The following OR2Z1 variants were observed in gnomAD, a reference collection of about 807,000 sequenced individuals.
OR2Z1 encodes olfactory receptor 2Z1.
For synonymous variants in OR2Z1, 188 were observed against 160.6 expected (o/e 1.17, Z -1.29); for missense variants, 449 against 401.8 (o/e 1.12, Z -1.00).
chr19:8,723,356 T>C (rs1394190232), intron 2 of OR2Z1, among the ~76,000 whole-genome samples: 2 of 152,166 alleles, frequency 1.3e-5, no homozygotes, highest in Non-Finnish European at 2.9e-5. Context: ...CCTCCTTCTC[T>C]GTGAAGCCTT....
At chr19:8,727,250 G>A (rs1488839550) in intron 2 of OR2Z1, among the ~76,000 whole-genome samples, 1 of 152,114 alleles carries the variant, frequency 6.6e-6, no homozygotes, top group Non-Finnish European at 1.5e-5. Context: ...GGCCTCCATT[G>A]CACTCTTAGT....
At chr19:8,727,383 A>G (rs991994466) in intron 2 of OR2Z1, among the ~76,000 whole-genome samples, 1 of 152,108 alleles carries the variant, frequency 6.6e-6, no homozygotes, top group Non-Finnish European at 1.5e-5. Flanking sequence ...AATCAGCTCT[A>G]TTTGTTTTGC....
chr19:8,729,571 G>A (rs57976146), intron 2 of OR2Z1, among the ~76,000 whole-genome samples: 1 of 151,012 alleles, frequency 6.6e-6, no homozygotes, highest in South Asian at 2.1e-4. Flanking sequence ...CCACCAAGTC[G>A]AACTTTAAAT....
At position 8,722,659 on chromosome 19, in the gene OR2Z1, G is replaced by A. The variant is rs1367982322; in HGVS notation, c.-214-447G>A. 5.3e-5 allele frequency among the ~76,000 whole-genome samples: 8 copies of A among 152,152 alleles called. 1 individual carries two copies. Among genetic ancestry groups the A allele is most frequent in the Non-Finnish European group, 1.0e-4 (7 of 68,032 alleles). ...TCCAGCTCTGCCTGTCTGACTGTGGGGCAGCAGGTGAGAGAGGTTGGATGG... is the reference window on the plus strand; with the variant it reads ...TCCAGCTCTGCCTGTCTGACTGTGGAGCAGCAGGTGAGAGAGGTTGGATGG... On this transcript the variant is annotated intron_variant, in intron 1 of 2. Coordinates refer to ENST00000641125, the MANE Select transcript of OR2Z1 (RefSeq NM_001004699.3).
chr19:8,731,105 T>A lies in OR2Z1; in HGVS notation c.77T>A (p.Leu26His). 2 of 1,614,130 alleles carry A rather than the reference T, an allele frequency of 1.2e-6. No individual in the cohort carries two copies. Among genetic ancestry groups the A allele is most frequent in the Non-Finnish European group, 8.5e-7 (1 of 1,180,014 alleles). The change falls in exon 3 of 3, where the codon CTC becomes CAC. Residue 26 changes from leucine to histidine, a missense_variant. Leu to His is a moderately conservative substitution (Grantham distance 99). Transcript: ENST00000641125. ...GLFSHSGSRQ[L>H]LFSLVAVMFV... ...TTCAGTCACTCAGGATCACGCCAGC[T>A]CCTCTTCTCCCTGGTGGCTGTCATG...
In OR2Z1 at chr19:8,731,167, T is replaced by C. The variant is rs1445486547; in HGVS notation, c.139T>C (p.Phe47Leu). Residue 47 changes from phenylalanine to leucine, a missense_variant, in exon 3 of 3, where the codon TTC becomes CTC. Phe to Leu is a conservative substitution (Grantham distance 22, BLOSUM62 0). Coordinates refer to ENST00000641125, the MANE Select transcript of OR2Z1 (RefSeq NM_001004699.3). Reference protein sequence around the residue: ...IGLLGNTVLLFLIRVDSRLHT... With the variant: ...IGLLGNTVLLLLIRVDSRLHT... ...CCTTCTGGGCAACACCGTTCTTCTC[T>C]TCTTGATCCGTGTGGACTCCCGGCT... The C allele has an allele frequency of 1.9e-6, 3 of 1,613,984 alleles. No individual in the cohort carries two copies. The highest frequency in any genetic ancestry group is 1.7e-5 in the Admixed American group (1 of 59,982).
Position 8,731,990 on chromosome 19 carries a change from G to A in OR2Z1, c.*17G>A. ...ATGTGCTGACTACATAGAAACTGCT[G>A]GTGAGATTCCAGCGGTCCTCGATCC... On this transcript the variant is annotated 3_prime_UTR_variant, in exon 3 of 3. Coordinates refer to ENST00000641125, the MANE Select transcript of OR2Z1 (RefSeq NM_001004699.3). 1 of 1,586,032 alleles carries A rather than the reference G, an allele frequency of 6.3e-7. No homozygotes were observed. Among genetic ancestry groups the A allele is most frequent in the Non-Finnish European group, 8.6e-7 (1 of 1,159,186 alleles).
In OR2Z1 at chr19:8,732,095, G is replaced by T; in HGVS notation, c.*122G>T. The T allele has an allele frequency of 1.4e-6, 1 of 737,184 alleles. No individual in the cohort carries two copies. The highest frequency in any genetic ancestry group is 1.8e-5 in the African/African-American group (1 of 56,814). 45.7% of individuals were successfully genotyped at this position (737,184 alleles called of 1,614,324 possible). A position where few individuals can be genotyped will look rare whatever the true frequency, so the allele number is the denominator to read the frequency against. ...GCCAAATATCCAGCCATTGCCCAAG[G>T]TGCAACTTTTTGAGAAAATGTCTGC... On this transcript the variant is annotated 3_prime_UTR_variant, in exon 3 of 3. Coordinates refer to ENST00000641125, the MANE Select transcript of OR2Z1 (RefSeq NM_001004699.3).
chr19:8,723,617 T>C (rs1192479609), intron 2 of OR2Z1, among the ~76,000 whole-genome samples: 2 of 151,804 alleles, frequency 1.3e-5, no homozygotes, highest in Non-Finnish European at 1.5e-5. Flanking sequence ...ACAGTGCGTG[T>C]GTGTGTGTGT....
At chr19:8,723,367 C>T (rs555439779) in intron 2 of OR2Z1, among the ~76,000 whole-genome samples, 1 of 152,130 alleles carries the variant, frequency 6.6e-6, no homozygotes, top group Non-Finnish European at 1.5e-5. Flanking sequence ...GTGAAGCCTT[C>T]CCTGATCCCA....
intron 2 of OR2Z1, among the ~76,000 whole-genome samples, chr19:8,729,596 GT>G (rs1190491004): frequency 0.012 from 1,638 of 139,764 alleles, 12 homozygotes; most frequent in African/African-American, 0.035. Flanking sequence ...TGTAGAGATG[GT>G]TTTTTTTTTT....
At chr19:8,730,690 T>A (rs1278833314) in intron 2 of OR2Z1, among the ~76,000 whole-genome samples, 170 bp from the exon 3 acceptor site, 1 of 152,122 alleles carries the variant, frequency 6.6e-6, no homozygotes, top group African/African-American at 2.4e-5. Context: ...AGTGCTGGGA[T>A]TACAGGCGTG....
chr19:8,727,678 C>T (rs2043333295), intron 2 of OR2Z1, among the ~76,000 whole-genome samples: 1 of 152,176 alleles, frequency 6.6e-6, no homozygotes, highest in Non-Finnish European at 1.5e-5. Flanking sequence ...ACCAGCCTGG[C>T]CAACATGGTG....
intron 2 of OR2Z1, chr19:8,728,870 A>G: frequency 1.5e-6 from 1 of 645,186 alleles, no homozygotes; most frequent in South Asian, 1.4e-5. Context: ...GCTACTTCAC[A>G]TGCTGTTTGA....
chr19:8,727,085 G>A (rs947827182), intron 2 of OR2Z1, among the ~76,000 whole-genome samples: 18 of 152,072 alleles, frequency 1.2e-4, no homozygotes, highest in Non-Finnish European at 4.4e-5. Context: ...GGGATGACAG[G>A]CTTGTATCAC....
Position 8,730,886 on chromosome 19 carries a change from T to A in OR2Z1, c.-143T>A, listed in dbSNP as rs1555756646. ...CTACTGATTCTAGCTGCAGCCTCATTACTCTTCTCAAGACACCATCCCAGG... is the reference window on the plus strand; with the variant it reads ...CTACTGATTCTAGCTGCAGCCTCATAACTCTTCTCAAGACACCATCCCAGG... On this transcript the variant is annotated 5_prime_UTR_variant, in exon 3 of 3. Coordinates refer to ENST00000641125, the MANE Select transcript of OR2Z1 (RefSeq NM_001004699.3). The A allele has an allele frequency of 4.7e-6, 3 of 639,714 alleles. No homozygotes were observed. The highest frequency in any genetic ancestry group is 8.2e-6 in the Non-Finnish European group (3 of 365,548). 39.6% of individuals were successfully genotyped at this position (639,714 alleles called of 1,614,324 possible).
Position 8,731,356 on chromosome 19 carries a change from G to T in OR2Z1, c.328G>T (p.Ala110Ser). Residue 110 changes from alanine to serine, a missense_variant, in exon 3 of 3, where the codon GCT (alanine) becomes TCT (serine). By Grantham distance (99) the Ala-to-Ser change is moderately conservative. Coordinates refer to ENST00000641125, the MANE Select transcript of OR2Z1 (RefSeq NM_001004699.3). ...QIFFLTLMGV[A>S]EGVLLVLMSY... ...ATTCTTCCTCACACTGATGGGTGTG[G>T]CTGAGGGCGTCCTGTTGGTCCTCAT... The T allele has an allele frequency of 6.2e-7, 1 of 1,614,088 alleles. No individual in the cohort carries two copies. The highest frequency in any genetic ancestry group is 8.5e-7 in the Non-Finnish European group (1 of 1,180,016).
Position 8,731,812 on chromosome 19 carries a change from C to A in OR2Z1, c.784C>A (p.Pro262Thr). Residue 262 changes from proline (P) to threonine (T), a missense_variant, in exon 3 of 3, where the codon CCT (proline) becomes ACT (threonine). Pro to Thr is a conservative substitution (Grantham distance 38). Transcript: ENST00000641125. ...YGAAVFMYMVPCAYHSPQQDN... is the reference protein window; with the variant it reads ...YGAAVFMYMVTCAYHSPQQDN... ...TGCCGCCGTGTTCATGTACATGGTG[C>A]CTTGCGCCTACCACAGTCCACAGCA... 6.2e-7 allele frequency: 1 copy of A among 1,614,188 alleles called. No individual in the cohort carries two copies. Among genetic ancestry groups the A allele is most frequent in the Non-Finnish European group, 8.5e-7 (1 of 1,180,040 alleles).
chr19:8,731,217 C>G lies in OR2Z1; in HGVS notation c.189C>G (p.Leu63=). ...SRLHTPMYFL[L]SQLSLFDIGC... is the part of the protein sequence containing the mutation. ...TCCACACACCCATGTACTTCCTGCT[C>G]AGCCAGCTCTCCCTGTTTGACATTG... is the stretch of plus-strand genomic sequence containing the variant. The change falls in exon 3 of 3, where the codon CTC becomes CTG. Residue 63 remains leucine, a synonymous_variant. Transcript: ENST00000641125. 6.2e-7 allele frequency: 1 copy of G among 1,614,132 alleles called. No homozygotes were observed. The highest frequency in any genetic ancestry group is 8.5e-7 in the Non-Finnish European group (1 of 1,180,022).
Sources: allele counts gnomAD v4.1 joint callset (sites outside exome capture counted in the v4.1 genomes callset), GRCh38; gene constraint gnomAD v4.1.1; transcripts MANE v1.5; gene names NCBI Gene and HGNC (gene_info 2026-07-23, HGNC 2026-07-21).